Variants in GRIN2A observed in about 807,000 individuals in gnomAD.
GRIN2A encodes the protein glutamate receptor ionotropic, NMDA 2A.
GRIN2A carries 22 observed loss-of-function variants against 113.4 expected under a neutral mutation model. The observed-to-expected ratio is 0.19, with a 90% CI of 0.14 to 0.28. The LOEUF is 0.28. Ranked by LOEUF, GRIN2A falls within the 10% of genes least tolerant of loss-of-function variation. The probability of loss-of-function intolerance (pLI) is 1.00; values close to 1 mark genes in which losing one functional copy is unlikely to be tolerated. For synonymous variants in GRIN2A, 827 were observed against 738.4 expected (o/e 1.12, Z -1.94); for missense variants, 1,502 against 1,887.0 (o/e 0.80, Z 3.78).
intron 2 of GRIN2A, among the ~76,000 whole-genome samples, chr16:9,978,356 A>G (rs2045817795): frequency 6.6e-6 from 1 of 152,134 alleles, no homozygotes; most frequent in Admixed American, 6.6e-5. Flanking sequence ...GCTTACCCTC[A>G]GTTTGCTCAT....
intron 11 of GRIN2A, among the ~76,000 whole-genome samples, chr16:9,784,916 G>A (rs1025637166): frequency 5.3e-5 from 8 of 152,138 alleles, no homozygotes; most frequent in Non-Finnish European, 1.2e-4. Flanking sequence ...AGTTAGAATG[G>A]CAATCATTAA....
intron 12 of GRIN2A, among the ~76,000 whole-genome samples, chr16:9,767,442 T>C (rs1481760073): frequency 6.6e-6 from 1 of 152,070 alleles, no homozygotes; most frequent in Non-Finnish European, 1.5e-5. Flanking sequence ...CTAGGGTACA[T>C]GTGCACAACG....
At chr16:9,833,165 T>C (rs2042526707) in intron 8 of GRIN2A, among the ~76,000 whole-genome samples, 1 of 152,162 alleles carries the variant, frequency 6.6e-6, no homozygotes, top group South Asian at 2.1e-4. Flanking sequence ...GTGTATGACA[T>C]AAACCCTGGC....
At chr16:9,935,631 T>C (rs2044697561) in intron 3 of GRIN2A, among the ~76,000 whole-genome samples, 1 of 151,754 alleles carries the variant, frequency 6.6e-6, no homozygotes, top group Non-Finnish European at 1.5e-5. Context: ...TCCAGAAATA[T>C]TTCAGAGTGA....
At chr16:9,980,714 C>A (rs2045876035) in intron 2 of GRIN2A, among the ~76,000 whole-genome samples, 1 of 151,904 alleles carries the variant, frequency 6.6e-6, no homozygotes, top group African/African-American at 2.4e-5. Context: ...TGGAAACCAT[C>A]ATTCTCAGCA....
intron 2 of GRIN2A, among the ~76,000 whole-genome samples, chr16:10,094,082 G>C (rs1003227725): frequency 6.6e-6 from 1 of 152,046 alleles, no homozygotes; most frequent in Non-Finnish European, 1.5e-5. Context: ...AATAATCTGA[G>C]GCCCCAAGGT....
intron 2 of GRIN2A, among the ~76,000 whole-genome samples, chr16:10,037,948 C>T (rs191991976): frequency 6.6e-6 from 1 of 152,302 alleles, no homozygotes; most frequent in African/African-American, 2.4e-5. Context: ...CTCTCCCACA[C>T]CCAGCAGTCC....
intron 4 of GRIN2A, among the ~76,000 whole-genome samples, chr16:9,889,695 C>A (rs1031770046): frequency 1.3e-5 from 2 of 152,042 alleles, no homozygotes; most frequent in Non-Finnish European, 2.9e-5. Flanking sequence ...TAATGTCTTT[C>A]TGATTTCTTC....
rs546535267 is a variant in GRIN2A at position 9,756,282 on chromosome 16, A to C, written c.*6867T>G. 4.4e-6 allele frequency: 1 copy of C among 228,634 alleles called. No individual in the cohort carries two copies. The highest frequency in any genetic ancestry group is 8.7e-6 in the Non-Finnish European group (1 of 115,152). 14.2% of individuals were successfully genotyped at this position (228,634 alleles called of 1,614,324 possible). A position where few individuals can be genotyped will look rare whatever the true frequency, so the allele number is the denominator to read the frequency against. ...CTAAGTAGAGAAAATAACTCCCCAG[A>C]AATTTTTTTAAATGCTAAGTGCAAG... On this transcript the variant is annotated 3_prime_UTR_variant, in exon 13 of 13. Coordinates refer to ENST00000330684, the MANE Select transcript of GRIN2A (RefSeq NM_001134407.3).
intron 2 of GRIN2A, among the ~76,000 whole-genome samples, chr16:9,985,935 G>A (rs967040509): frequency 2.0e-5 from 3 of 152,046 alleles, no homozygotes; most frequent in South Asian, 2.1e-4. Flanking sequence ...TGCTTGTATC[G>A]AAGTATCTCA....
chr16:9,997,833 G>T (rs139530792), intron 2 of GRIN2A, among the ~76,000 whole-genome samples: 44 of 152,288 alleles, frequency 2.9e-4, no homozygotes, highest in African/African-American at 9.4e-4. Flanking sequence ...CCTTGCACAT[G>T]CTCTCTTGCC....
intron 4 of GRIN2A, among the ~76,000 whole-genome samples, chr16:9,883,539 A>G (rs908836813): frequency 6.6e-6 from 1 of 152,214 alleles, no homozygotes; most frequent in Non-Finnish European, 1.5e-5. Flanking sequence ...AAAGAGGACA[A>G]ATGTTTGAAG....
intron 11 of GRIN2A, among the ~76,000 whole-genome samples, chr16:9,789,635 C>G (rs1445528408): frequency 1.3e-5 from 2 of 152,018 alleles, no homozygotes; most frequent in South Asian, 4.2e-4. Context: ...TGTTTAAATT[C>G]TTAGGACTGC....
intron 11 of GRIN2A, among the ~76,000 whole-genome samples, chr16:9,775,822 G>A (rs1901565380): frequency 6.6e-6 from 1 of 152,190 alleles, no homozygotes; most frequent in Admixed American, 6.5e-5. Context: ...CCCCTGATTG[G>A]AAATCCAGTG....
At chr16:10,178,817 G>C (rs372991561) in intron 2 of GRIN2A, among the ~76,000 whole-genome samples, 1 of 152,178 alleles carries the variant, frequency 6.6e-6, no homozygotes, top group Non-Finnish European at 1.5e-5. Flanking sequence ...AAAGGAAAGC[G>C]CTACAGTGAA....
intron 10 of GRIN2A, among the ~76,000 whole-genome samples, chr16:9,803,639 C>T (rs1292411354): frequency 6.6e-6 from 1 of 152,154 alleles, no homozygotes; most frequent in Non-Finnish European, 1.5e-5. Context: ...ACTTTATATG[C>T]ATTATTATAT....
chr16:9,846,354 A>G (rs1280962047), intron 5 of GRIN2A, among the ~76,000 whole-genome samples: 1 of 152,186 alleles, frequency 6.6e-6, no homozygotes, highest in Non-Finnish European at 1.5e-5. Flanking sequence ...CAGGATTTCA[A>G]CTTCAAAGAG....
chr16:9,958,947 T>C (rs766094336), intron 2 of GRIN2A, among the ~76,000 whole-genome samples: 1 of 151,672 alleles, frequency 6.6e-6, no homozygotes, highest in East Asian at 1.9e-4. Flanking sequence ...TACAGAGGAG[T>C]TGGTAGGGAA....
rs1555481892 is a variant in GRIN2A, at chr16:9,763,163, C to T, written c.4381G>A (p.Glu1461Lys). The T allele has an allele frequency of 1.9e-6, 3 of 1,613,724 alleles. No homozygotes were observed. Among genetic ancestry groups the T allele is most frequent in the Non-Finnish European group, 2.5e-6 (3 of 1,179,658 alleles). ...RRVYKKMPSI[E>K]SDV Reference sequence around the variant, plus strand: ...ATGGAAGATTTTTAAACATCAGATTCGATACTAGGCATTTTCTTGTACACG... The same window carrying T: ...ATGGAAGATTTTTAAACATCAGATTTGATACTAGGCATTTTCTTGTACACG... Residue 1461 changes from glutamate to lysine, a missense_variant, in exon 13 of 13, where the codon GAA becomes AAA. This residue lies in a region of GRIN2A where 832 missense variants were observed against 789.7 expected (regional missense o/e 1.05). Coordinates refer to ENST00000330684, the MANE Select transcript of GRIN2A (RefSeq NM_001134407.3).
Sources: gnomAD v4.1 joint callset for allele counts (sites outside exome capture counted in the v4.1 genomes callset) on GRCh38, gnomAD v4.1.1 for gene constraint, gnomAD v4.1.1 regional missense constraint, MANE v1.5 for transcripts, NCBI Gene and HGNC (gene_info 2026-07-23, HGNC 2026-07-21) for gene names.